TMEM71: variants seen among roughly 807,000 people sequenced by gnomAD.
The protein encoded by TMEM71 is transmembrane protein 71.
TMEM71 carries 44 observed loss-of-function variants against 38.0 expected under a neutral mutation model. The observed-to-expected ratio is 1.16, with a 90% CI of 0.91 to 1.49. The LOEUF is 1.49. Ranked by LOEUF, TMEM71 falls within the 40% of genes most tolerant of loss-of-function variation. The pLI, the probability that TMEM71 is intolerant of heterozygous loss-of-function variation, is 0.00. For synonymous variants in TMEM71, 133 were observed against 122.5 expected (o/e 1.09, Z -0.56); for missense variants, 367 against 348.6 (o/e 1.05, Z -0.42).
At chr8:132,736,836 A>G (rs1431704641) in intron 5 of TMEM71, among the ~76,000 whole-genome samples, 1 of 152,154 alleles carries the variant, frequency 6.6e-6, no homozygotes, top group African/African-American at 2.4e-5. Flanking sequence ...GTCTCAAAAA[A>G]AAAAAAAATT....
chr8:132,735,355 T>C (rs1379602882), intron 5 of TMEM71, among the ~76,000 whole-genome samples: 4 of 152,350 alleles, frequency 2.6e-5, no homozygotes, highest in African/African-American at 7.2e-5. Flanking sequence ...ATTGCATCCA[T>C]TGCTCAGAGA....
Position 132,712,729 on chromosome 8 carries a change from G to A in TMEM71, c.872+1266C>T, listed in dbSNP as rs181535056. ...TGAGCTAAACTTGGTACCCCATACC[G>A]TATAGAACATATTGTAAATTCTTAA... On this transcript the variant is annotated intron_variant, in intron 9 of 9. Transcript: ENST00000677595. 3.6e-3 allele frequency among the ~76,000 whole-genome samples: 553 copies of A among 152,244 alleles called. 3 individuals carry two copies. The highest frequency in any genetic ancestry group is 6.2e-3 in the Non-Finnish European group (420 of 68,016).
At chr8:132,715,975 G>A (rs1479959536) in intron 7 of TMEM71, among the ~76,000 whole-genome samples, 1 of 152,226 alleles carries the variant, frequency 6.6e-6, no homozygotes, top group Non-Finnish European at 1.5e-5. Flanking sequence ...TGGAGTGGCT[G>A]CTGCAAAGAC....
At chr8:132,755,151 C>T (rs1349950777) in intron 3 of TMEM71, among the ~76,000 whole-genome samples, 1 of 152,182 alleles carries the variant, frequency 6.6e-6, no homozygotes, top group African/African-American at 2.4e-5. Flanking sequence ...ATCTGCACTC[C>T]AATTTCCAAG....
chr8:132,742,272 C>A (rs1277680980), intron 5 of TMEM71, among the ~76,000 whole-genome samples: 1 of 152,208 alleles, frequency 6.6e-6, no homozygotes, highest in African/African-American at 2.4e-5. Flanking sequence ...CAGCTTGTGT[C>A]CTCGGTCTCT....
At chr8:132,752,914 G>A (rs1828806039) in intron 3 of TMEM71, among the ~76,000 whole-genome samples, 1 of 151,744 alleles carries the variant, frequency 6.6e-6, no homozygotes, top group Non-Finnish European at 1.5e-5. Flanking sequence ...TAATTGAAAG[G>A]CAACCAAATT....
chr8:132,763,279 T>C (rs1285407631), upstream of TMEM71, among the ~76,000 whole-genome samples: 1 of 152,212 alleles, frequency 6.6e-6, no homozygotes, highest in African/African-American at 2.4e-5. Flanking sequence ...AGCCAGAACA[T>C]GAGCATTAAA....
intron 5 of TMEM71, among the ~76,000 whole-genome samples, chr8:132,733,164 T>G (rs1040746270): frequency 6.6e-6 from 1 of 152,196 alleles, no homozygotes; most frequent in Non-Finnish European, 1.5e-5. Flanking sequence ...GTGTGTGTGT[T>G]TTTTTGTTGT....
At chr8:132,723,324 T>C (rs1030810689) in intron 6 of TMEM71, among the ~76,000 whole-genome samples, 1 of 152,220 alleles carries the variant, frequency 6.6e-6, no homozygotes, top group African/African-American at 2.4e-5. Flanking sequence ...GAAACAAATC[T>C]AGCTTGAAAA....
At chr8:132,753,652 A>C (rs1452900148) in intron 3 of TMEM71, among the ~76,000 whole-genome samples, 1 of 152,176 alleles carries the variant, frequency 6.6e-6, no homozygotes, top group Non-Finnish European at 1.5e-5. Flanking sequence ...CAAGACAGGG[A>C]ATCTGAAGTC....
At chr8:132,723,980 C>A (rs1198711924) in intron 6 of TMEM71, among the ~76,000 whole-genome samples, 1 of 152,066 alleles carries the variant, frequency 6.6e-6, no homozygotes, top group Non-Finnish European at 1.5e-5. Flanking sequence ...GACTGTGATG[C>A]CCACCTGAGC....
At chr8:132,728,522 G>T (rs536357316) in intron 5 of TMEM71, among the ~76,000 whole-genome samples, 41 of 152,282 alleles carry the variant, frequency 2.7e-4, no homozygotes, top group African/African-American at 9.4e-4. Context: ...TTTGGGTGAG[G>T]ACACAGGCAA....
At chr8:132,715,467 G>A (rs1826476447) in intron 7 of TMEM71, among the ~76,000 whole-genome samples, 1 of 138,150 alleles carries the variant, frequency 7.2e-6, no homozygotes, top group Non-Finnish European at 1.5e-5. Context: ...TTGGAAGATA[G>A]TTTGGCCCTT....
upstream of TMEM71, among the ~76,000 whole-genome samples, chr8:132,763,375 T>A (rs1829326447): frequency 6.6e-6 from 1 of 152,256 alleles, no homozygotes; most frequent in Non-Finnish European, 1.5e-5. Context: ...TATCAATTAA[T>A]GTTTGTGGAA....
At chr8:132,751,738 T>C (rs2131179714) in intron 4 of TMEM71, 47 bp downstream of exon 4, 1 of 1,519,848 alleles carries the variant, frequency 6.6e-7, no homozygotes. Flanking sequence ...AAACAATTAA[T>C]GGATGGATTG....
rs936669820 is a variant in TMEM71 at position 132,746,970 on chromosome 8, C to T, written c.459G>A (p.Arg153=). 1.9e-5 allele frequency: 30 copies of T among 1,608,522 alleles called. No homozygotes were observed. The highest frequency in any genetic ancestry group is 2.5e-5 in the Non-Finnish European group (30 of 1,178,468). Reference sequence around the variant, plus strand: ...TTCCATTGCAATGGTCTGTGTCCAACCTCCTGGTCCCCTTCAACCAGTTGT... The same window carrying T: ...TTCCATTGCAATGGTCTGTGTCCAATCTCCTGGTCCCCTTCAACCAGTTGT... ...SEDNWLKGTR[R]LDTDHCNGNA... is the part of the protein sequence containing the mutation. Residue 153 remains arginine (R), a synonymous_variant, in exon 5 of 10, where the codon AGG becomes AGA. Transcript: ENST00000677595.
Position 132,736,456 on chromosome 8 carries a change from G to C in TMEM71, c.488-8470C>G, listed in dbSNP as rs1203133141. On this transcript the variant is annotated intron_variant, in intron 5 of 9. Coordinates refer to ENST00000677595, the MANE Select transcript of TMEM71 (RefSeq NM_001382403.1). ...GTCAAAGGGTACAAAATTCCAGTCA[G>C]ACAGGATGAAAAATGTTCTGGAAAT... 2.0e-5 allele frequency among the ~76,000 whole-genome samples: 3 copies of C among 152,128 alleles called. No individual in the cohort carries two copies. The East Asian group carries it at 5.8e-4, about 29-fold the overall frequency.
At chr8:132,770,227 T>G in the TMEM71 span, among the ~76,000 whole-genome samples, 1 of 152,346 alleles carries the variant, frequency 6.6e-6, no homozygotes, top group Admixed American at 6.5e-5. Flanking sequence ...ATTCTCAGCT[T>G]TGTTGAATGG....
At chr8:132,767,478 G>T in the TMEM71 span, among the ~76,000 whole-genome samples, 1,762 of 137,506 alleles carry the variant, frequency 0.013, 20 homozygotes, top group Middle Eastern at 0.023. Context: ...TACCTCTTTG[G>T]TTTTTTTTTT....
Sources: allele counts gnomAD v4.1 joint callset (sites outside exome capture counted in the v4.1 genomes callset), GRCh38; gene constraint gnomAD v4.1.1; transcripts MANE v1.5; gene names NCBI Gene and HGNC (gene_info 2026-07-23, HGNC 2026-07-21).